The following CCND3 variants were observed in gnomAD, a reference collection of about 807,000 sequenced individuals.
CCND3 encodes G1/S-specific cyclin-D3.
A neutral mutation model predicts 28.7 loss-of-function variants in CCND3; 9 were observed. That is an observed-to-expected ratio of 0.31 (90% CI 0.19 to 0.55). The LOEUF is 0.55. CCND3 is among the 20% of genes least tolerant of loss of function. The probability of loss-of-function intolerance (pLI) is 0.93; values close to 1 mark genes in which losing one functional copy is unlikely to be tolerated. For synonymous variants in CCND3, 164 were observed against 163.9 expected, an observed-to-expected ratio of 1.00 and a Z score of 0.00; for missense variants, 315 against 385.8, an observed-to-expected ratio of 0.82 and a Z score of 1.54.
In CCND3 at chr6:41,936,439, A is replaced by G; in HGVS notation, c.711+120T>C. 1 of 1,223,416 alleles carries G rather than the reference A, an allele frequency of 8.2e-7. No homozygotes were observed. The allele number at this position is 1,223,416 out of a possible 1,614,324, so 75.8% of individuals were successfully genotyped here. ...AGGAGATAAAAAGCCACAAAGCCCCAAGGTTGTGAAACCAGGACTTGGGAC... is the reference window on the plus strand; with the variant it reads ...AGGAGATAAAAAGCCACAAAGCCCCGAGGTTGTGAAACCAGGACTTGGGAC... On this transcript the variant is annotated intron_variant, in intron 4 of 4. Transcript: ENST00000372991. This position sits in a 1 kb window ranked among gnomAD's most constrained non-coding sequence, Gnocchi z 4.4.
At chr6:42,036,324 A>AT (rs201680804) in intron 1 of CCND3, among the ~76,000 whole-genome samples, 12 of 134,224 alleles carry the variant, frequency 8.9e-5, no homozygotes, top group Admixed American at 3.1e-4. Context: ...ATATATATAT[A>AT]AAATATATAT....
intron 1 of CCND3, among the ~76,000 whole-genome samples, chr6:41,980,229 A>G (rs1371833246): frequency 1.3e-5 from 2 of 151,182 alleles, no homozygotes; most frequent in Admixed American, 1.3e-4. Flanking sequence ...TCTGCCTTCC[A>G]GGTTCAAGTG....
intron 1 of CCND3, among the ~76,000 whole-genome samples, chr6:41,948,845 C>CA (rs112279157): frequency 0.056 from 5,353 of 95,284 alleles, 310 homozygotes; most frequent in Admixed American, 0.19. Context: ...GACTCCATCT[C>CA]AAAAAAAAAA....
At chr6:42,027,222 G>A (rs182511439) in intron 1 of CCND3, among the ~76,000 whole-genome samples, 7 of 152,176 alleles carry the variant, frequency 4.6e-5, no homozygotes, top group Admixed American at 1.3e-4. Context: ...GGCAGATCAC[G>A]AGGTCAGGGG....
intron 1 of CCND3, among the ~76,000 whole-genome samples, chr6:41,951,647 G>A (rs894327584): frequency 3.3e-5 from 5 of 151,952 alleles, no homozygotes; most frequent in African/African-American, 1.2e-4. Flanking sequence ...AGTTTAGGTG[G>A]GGGGTCAGGA....
chr6:41,970,925 TTC>T (rs1491327040), intron 1 of CCND3, among the ~76,000 whole-genome samples: 3 of 151,824 alleles, frequency 2.0e-5, no homozygotes, highest in Non-Finnish European at 4.4e-5. Context: ...TCTTTTTTTT[TTC>T]CCCCCCTTGA....
rs373108862 is a variant in CCND3, at chr6:42,016,589, A to C, written c.-46+31912T>G. ...TAAATGTTAGCTGCTATTACTATCT[A>C]TTACTTTTTTTTTTTTTTTTTGAGA... On this transcript the variant is annotated intron_variant, in intron 1 of 4. Transcript: ENST00000372988. Among the ~76,000 whole-genome samples, 7 of 38,926 alleles carry C rather than the reference A, an allele frequency of 1.8e-4. 3 individuals are homozygous for C. The highest frequency in any genetic ancestry group is 3.7e-4 in the Non-Finnish European group (6 of 16,128). The allele number at this position is 38,926 out of a possible 152,430, so 25.5% of individuals were successfully genotyped here.
intron 1 of CCND3, among the ~76,000 whole-genome samples, chr6:41,961,769 CCACCTGGATGTCA>C (rs1025573697): frequency 2.0e-5 from 3 of 152,086 alleles, no homozygotes; most frequent in Non-Finnish European, 2.9e-5. Context: ...GCCCACATCC[CCACCTGGATGTCA>C]CACCCGGTAC....
intron 1 of CCND3, among the ~76,000 whole-genome samples, chr6:41,966,210 G>A (rs769963153): frequency 6.6e-6 from 1 of 152,188 alleles, no homozygotes; most frequent in African/African-American, 2.4e-5. Context: ...CACCTGGTAA[G>A]CTTGTTAATT....
At chr6:42,003,265 C>A (rs1183422333) in intron 1 of CCND3, among the ~76,000 whole-genome samples, 2 of 151,252 alleles carry the variant, frequency 1.3e-5, no homozygotes, top group Non-Finnish European at 2.9e-5. Flanking sequence ...ATGGCTCACA[C>A]CTGTAATCCC....
intron 1 of CCND3, among the ~76,000 whole-genome samples, chr6:42,003,941 A>C (rs1445273407): frequency 6.8e-6 from 1 of 148,114 alleles, no homozygotes; most frequent in Non-Finnish European, 1.5e-5. Context: ...CCTATCTCAA[A>C]AAAAAAAAAA....
Position 41,957,733 on chromosome 6 carries a change from T to G in CCND3, c.-45-17148A>C, listed in dbSNP as rs1385863565. 3.3e-5 allele frequency among the ~76,000 whole-genome samples: 5 copies of G among 152,362 alleles called. No individual in the cohort carries two copies. The East Asian group carries it at 9.6e-4, about 29-fold the overall frequency. On this transcript the variant is annotated intron_variant, in intron 1 of 4. Coordinates refer to the CCND3 transcript ENST00000372988. ...GCATGAAGATGTGTGCTTTGATTCC[T>G]GCCTCTCTGCTCAGGCAATTCCCCT...
At chr6:42,040,935 T>C (rs1764355289) in intron 1 of CCND3, among the ~76,000 whole-genome samples, 1 of 151,116 alleles carries the variant, frequency 6.6e-6, no homozygotes. Flanking sequence ...AATGGGTTAA[T>C]AAATATCCAT....
intron 1 of CCND3, among the ~76,000 whole-genome samples, chr6:41,976,041 TA>T (rs964279779): frequency 1.8e-3 from 269 of 151,456 alleles, no homozygotes; most frequent in Non-Finnish European, 3.2e-3. Context: ...TCTGTCTCTA[TA>T]AAAAAAAATT....
chr6:42,030,894 G>A (rs975628568), intron 1 of CCND3, among the ~76,000 whole-genome samples: 1 of 152,144 alleles, frequency 6.6e-6, no homozygotes, highest in African/African-American at 2.4e-5. Context: ...GGCCCCTGGA[G>A]CGGGTGGGAA....
At chr6:41,968,985 G>A (rs1456909369) in intron 1 of CCND3, among the ~76,000 whole-genome samples, 17 of 152,048 alleles carry the variant, frequency 1.1e-4, no homozygotes, top group Middle Eastern at 3.4e-3. Context: ...TAGTAGAAAC[G>A]GGGTTTTGCC....
intron 1 of CCND3, among the ~76,000 whole-genome samples, chr6:42,042,225 T>C (rs758556260): frequency 2.0e-5 from 3 of 152,190 alleles, no homozygotes; most frequent in African/African-American, 4.8e-5. Flanking sequence ...CGAGGACCTC[T>C]ATCTGGGAGA....
At chr6:42,041,914 G>A (rs1243115802) in intron 1 of CCND3, among the ~76,000 whole-genome samples, 1 of 152,174 alleles carries the variant, frequency 6.6e-6, no homozygotes, top group Non-Finnish European at 1.5e-5. Flanking sequence ...TGAGGCCCCT[G>A]CTCCGGCTTC....
At chr6:41,969,898 A>C (rs769902284) in intron 1 of CCND3, among the ~76,000 whole-genome samples, 2 of 151,870 alleles carry the variant, frequency 1.3e-5, no homozygotes, top group Non-Finnish European at 2.9e-5. Flanking sequence ...CCTGAACCTC[A>C]GTTGTTTGCT....
Sources: allele counts gnomAD v4.1 joint callset (sites outside exome capture counted in the v4.1 genomes callset), GRCh38; gene constraint gnomAD v4.1.1; non-coding constraint Gnocchi (gnomAD v3.1); transcripts MANE v1.5; gene names NCBI Gene and HGNC (gene_info 2026-07-23, HGNC 2026-07-21).